KCTD8: variants seen among roughly 807,000 people sequenced by gnomAD.
The protein encoded by KCTD8 is BTB/POZ domain-containing protein KCTD8.
KCTD8 carries 27 observed loss-of-function variants against 31.5 expected under a neutral mutation model. The observed-to-expected ratio is 0.86, with a 90% confidence interval of 0.63 to 1.18. The LOEUF is 1.18. Ranked by LOEUF, KCTD8 falls within the 50% of genes most tolerant of loss-of-function variation. The probability of loss-of-function intolerance (pLI) is 0.00; values close to 1 mark genes in which losing one functional copy is unlikely to be tolerated. For missense variants in KCTD8, 658 were observed against 647.7 expected, an observed-to-expected ratio of 1.02 and a Z score of -0.17; for synonymous variants, 290 against 280.0, an observed-to-expected ratio of 1.04 and a Z score of -0.36.
intron 1 of KCTD8, among the ~76,000 whole-genome samples, chr4:44,330,858 C>T (rs1449983105): frequency 6.6e-6 from 1 of 151,776 alleles, no homozygotes; most frequent in African/African-American, 2.4e-5. Flanking sequence ...TGATTCAATG[C>T]TTCAATTAGT....
intron 1 of KCTD8, among the ~76,000 whole-genome samples, chr4:44,296,219 GTCC>G (rs1717426950): frequency 6.6e-6 from 1 of 152,102 alleles, no homozygotes; most frequent in Non-Finnish European, 1.5e-5. Context: ...CAAGAGATAA[GTCC>G]TCCCTTTTTT....
intron 1 of KCTD8, among the ~76,000 whole-genome samples, chr4:44,424,951 A>G (rs763279068): frequency 5.9e-5 from 9 of 151,982 alleles, no homozygotes; most frequent in Non-Finnish European, 1.3e-4. Flanking sequence ...TAAGGAGGTA[A>G]ATAAGGTTAA....
chr4:44,316,807 A>G (rs918025863), intron 1 of KCTD8, among the ~76,000 whole-genome samples: 11 of 121,624 alleles, frequency 9.0e-5, no homozygotes, highest in African/African-American at 4.0e-4. Context: ...AAAAAAAAAA[A>G]AAAAAAAAAA....
chr4:44,260,019 A>T (rs376759551), intron 1 of KCTD8, among the ~76,000 whole-genome samples: 38 of 151,928 alleles, frequency 2.5e-4, no homozygotes, highest in African/African-American at 8.7e-4. Context: ...CAAGTCATTT[A>T]GGTGTTAGGA....
intron 1 of KCTD8, among the ~76,000 whole-genome samples, chr4:44,270,287 A>G (rs577182807): frequency 1.3e-5 from 2 of 151,376 alleles, no homozygotes; most frequent in Non-Finnish European, 2.9e-5. Flanking sequence ...AAACTATCAC[A>G]AGGACAAAAA....
intron 1 of KCTD8, among the ~76,000 whole-genome samples, chr4:44,312,862 T>C (rs1392428172): frequency 6.6e-6 from 1 of 152,150 alleles, no homozygotes; most frequent in Non-Finnish European, 1.5e-5. Context: ...TTTCCTCCTC[T>C]TCCAGCAAAG....
intron 1 of KCTD8, among the ~76,000 whole-genome samples, chr4:44,387,385 T>A (rs1056921318): frequency 2.0e-5 from 3 of 151,450 alleles, no homozygotes; most frequent in African/African-American, 7.3e-5. Flanking sequence ...AAATTCATAT[T>A]GAACCAAAAA....
chr4:44,358,639 G>A (rs1204409574), intron 1 of KCTD8, among the ~76,000 whole-genome samples: 1 of 151,818 alleles, frequency 6.6e-6, no homozygotes, highest in African/African-American at 2.4e-5. Context: ...CACGATCTCG[G>A]CTCACCGAAA....
chr4:44,239,770 T>C (rs1217740804), intron 1 of KCTD8, among the ~76,000 whole-genome samples: 1 of 152,224 alleles, frequency 6.6e-6, no homozygotes, highest in Non-Finnish European at 1.5e-5. Flanking sequence ...TACCATCTTT[T>C]TGTCTCACGT....
intron 1 of KCTD8, among the ~76,000 whole-genome samples, chr4:44,379,970 A>G (rs1193608131): frequency 6.6e-6 from 1 of 152,020 alleles, no homozygotes; most frequent in Non-Finnish European, 1.5e-5. Context: ...AATATTTTAT[A>G]TTTGCCTTGT....
intron 1 of KCTD8, among the ~76,000 whole-genome samples, chr4:44,398,639 G>A (rs1023511697): frequency 6.6e-6 from 1 of 152,132 alleles, no homozygotes; most frequent in African/African-American, 2.4e-5. Context: ...GATCCGGAAC[G>A]AACTCTCAAA....
chr4:44,214,817 A>C (rs1036704365), intron 1 of KCTD8, among the ~76,000 whole-genome samples: 1 of 152,202 alleles, frequency 6.6e-6, no homozygotes. Context: ...AGAACTAACC[A>C]ATTAGCCACA....
At chr4:44,383,314 AC>A (rs980140379) in intron 1 of KCTD8, among the ~76,000 whole-genome samples, 4 of 152,064 alleles carry the variant, frequency 2.6e-5, no homozygotes, top group Non-Finnish European at 5.9e-5. Flanking sequence ...ATAGAAAAAA[AC>A]AATTTTAAAA....
At chr4:44,432,519 T>G (rs533422385) in intron 1 of KCTD8, among the ~76,000 whole-genome samples, 4 of 151,812 alleles carry the variant, frequency 2.6e-5, no homozygotes, top group African/African-American at 9.6e-5. Context: ...AATGCTCAAT[T>G]TTTACCAGCA....
At chr4:44,256,378 T>C (rs973828060) in intron 1 of KCTD8, among the ~76,000 whole-genome samples, 1 of 151,986 alleles carries the variant, frequency 6.6e-6, no homozygotes, top group Non-Finnish European at 1.5e-5. Context: ...GATATATACA[T>C]ATATTTGTAA....
At chr4:44,270,386 T>A (rs1162322371) in intron 1 of KCTD8, among the ~76,000 whole-genome samples, 1 of 94,450 alleles carries the variant, frequency 1.1e-5, no homozygotes, top group Admixed American at 1.6e-4. Flanking sequence ...CTCTGGGGAC[T>A]GTTGTGGGGT....
intron 1 of KCTD8, among the ~76,000 whole-genome samples, chr4:44,430,953 T>C (rs543929864): frequency 6.6e-6 from 1 of 151,570 alleles, no homozygotes; most frequent in African/African-American, 2.4e-5. Flanking sequence ...GACTCTACGA[T>C]TAATTACACA....
At chr4:44,370,225 GTCTA>G (rs1719746860) in intron 1 of KCTD8, among the ~76,000 whole-genome samples, 1 of 149,692 alleles carries the variant, frequency 6.7e-6, no homozygotes, top group Admixed American at 6.6e-5. Context: ...CTGAACTCAA[GTCTA>G]CCTTTACTAT....
In KCTD8 at chr4:44,447,644, T is replaced by TA; in HGVS notation, c.879dup (p.Asn294Ter). ...ACGAAGGCGGCGGTGCCCGAGGAGT[T>TA]ACACGCCACCATGTGGAAGCCGGCC... On this transcript the variant is annotated frameshift_variant, in exon 1 of 2. Transcript: ENST00000360029. LOFTEE classifies it high-confidence loss of function. The TA allele has an allele frequency of 6.2e-7, 1 of 1,609,378 alleles. No homozygotes were observed. The highest frequency in any genetic ancestry group is 8.5e-7 in the Non-Finnish European group (1 of 1,178,112).
Sources: allele counts gnomAD v4.1 joint callset (sites outside exome capture counted in the v4.1 genomes callset), GRCh38; gene constraint gnomAD v4.1.1; transcripts MANE v1.5; gene names NCBI Gene and HGNC (gene_info 2026-07-23, HGNC 2026-07-21).